C1QTNF3: variants seen among roughly 807,000 people sequenced by gnomAD.
C1QTNF3 encodes complement C1q tumor necrosis factor-related protein 3.
Under a neutral mutation model 32.6 loss-of-function variants are expected in C1QTNF3, and 26 were observed. The observed-to-expected ratio is 0.80, with a 90% CI of 0.58 to 1.11. The LOEUF (loss-of-function observed/expected upper bound fraction) is 1.11. Ranked by LOEUF, C1QTNF3 falls within the 50% of genes least tolerant of loss-of-function variation. The pLI, the probability that C1QTNF3 is intolerant of heterozygous loss-of-function variation, is 0.00. For synonymous variants in C1QTNF3, 155 were observed against 146.0 expected, an observed-to-expected ratio of 1.06 and a Z score of -0.44; for missense variants, 362 against 398.2, an observed-to-expected ratio of 0.91 and a Z score of 0.77.
the C1QTNF3 span, among the ~76,000 whole-genome samples, chr5:34,194,897 A>T: frequency 2.0e-5 from 3 of 149,218 alleles, no homozygotes; most frequent in African/African-American, 7.5e-5. Context: ...TCATGCAAAT[A>T]GTTATTGTAC....
At chr5:34,065,667 CA>C in the C1QTNF3 span, among the ~76,000 whole-genome samples, 7 of 149,376 alleles carry the variant, frequency 4.7e-5, no homozygotes, top group Non-Finnish European at 5.9e-5. Context: ...AACTCCATCT[CA>C]AAAAAAAAAG....
At chr5:34,027,241 G>A (rs540749286) in intron 4 of C1QTNF3, among the ~76,000 whole-genome samples, 1 of 152,124 alleles carries the variant, frequency 6.6e-6, no homozygotes, top group Non-Finnish European at 1.5e-5. Flanking sequence ...TGTTGATAAG[G>A]CTATCAGGAA....
At chr5:34,158,464 A>AT in the C1QTNF3 span, 7 of 152,058 alleles carry the variant, frequency 4.6e-5, no homozygotes, top group African/African-American at 1.7e-4. Context: ...GATTTCTCTT[A>AT]TTTTTTACAA....
the C1QTNF3 span, among the ~76,000 whole-genome samples, chr5:34,052,760 G>C: frequency 6.6e-6 from 1 of 152,176 alleles, no homozygotes; most frequent in East Asian, 1.9e-4. Flanking sequence ...GGAGAAGGGG[G>C]CAGAGTTAAA....
the C1QTNF3 span, among the ~76,000 whole-genome samples, chr5:34,105,283 CAT>C: frequency 6.6e-6 from 1 of 152,078 alleles, no homozygotes; most frequent in African/African-American, 2.4e-5. Flanking sequence ...TCTCCTGTGT[CAT>C]ATATGAGGAT....
chr5:34,087,467 G>T, the C1QTNF3 span, among the ~76,000 whole-genome samples: 40 of 151,756 alleles, frequency 2.6e-4, no homozygotes, highest in Non-Finnish European at 3.8e-4. Context: ...ACCAGCCTGG[G>T]CTCTTTTAAA....
At chr5:34,242,915 GACACAGGGAGGGGAACAAC>G in the C1QTNF3 span, among the ~76,000 whole-genome samples, 2 of 148,078 alleles carry the variant, frequency 1.4e-5, no homozygotes, top group African/African-American at 5.0e-5. Flanking sequence ...GGAACACATG[GACACAGGGAGGGGAACAAC>G]ACACAATGGG....
the C1QTNF3 span, among the ~76,000 whole-genome samples, chr5:34,213,671 C>T: frequency 7.2e-6 from 1 of 137,966 alleles, no homozygotes; most frequent in African/African-American, 2.9e-5. Context: ...TAGATATAGC[C>T]AGGACATTTC....
chr5:34,024,333 C>A, intron 4 of C1QTNF3: 1 of 241,598 alleles, frequency 4.1e-6, no homozygotes, highest in Admixed American at 5.0e-5. Context: ...CATAGGTTAG[C>A]GATCATCCTC....
the C1QTNF3 span, among the ~76,000 whole-genome samples, chr5:34,233,946 A>G: frequency 2.0e-5 from 3 of 152,128 alleles, no homozygotes; most frequent in Non-Finnish European, 2.9e-5. Flanking sequence ...GTACTTTTTA[A>G]TAAGACTTTT....
At chr5:34,176,035 G>C in the C1QTNF3 span, 2 of 634,752 alleles carry the variant, frequency 3.2e-6, no homozygotes, top group Admixed American at 5.0e-5. Flanking sequence ...CCACTTGATG[G>C]TGACCAAAAT....
At chr5:34,104,779 T>C in the C1QTNF3 span, among the ~76,000 whole-genome samples, 8 of 146,982 alleles carry the variant, frequency 5.4e-5, no homozygotes, top group Non-Finnish European at 1.0e-4. Flanking sequence ...TCACGTGATC[T>C]GCCAGCCTCT....
At chr5:34,197,640 G>A in the C1QTNF3 span, among the ~76,000 whole-genome samples, 61 of 152,218 alleles carry the variant, frequency 4.0e-4, no homozygotes, top group African/African-American at 1.4e-3. Flanking sequence ...CTGACTCGAA[G>A]TCTCTCATGA....
the C1QTNF3 span, among the ~76,000 whole-genome samples, chr5:34,064,305 T>C: frequency 6.6e-6 from 1 of 152,198 alleles, no homozygotes; most frequent in African/African-American, 2.4e-5. Context: ...TGTTATAGGA[T>C]GGTCTTTGTT....
Position 34,023,688 on chromosome 5 carries a change from T to C in C1QTNF3, c.800+221A>G, listed in dbSNP as rs148637513. On this transcript the variant is annotated intron_variant, in intron 5 of 5. Transcript: ENST00000382065. Reference sequence around the variant, plus strand: ...TATTGGGAGTGCTGCTAGTAATTAATGCAAGGCCTCTTATCAACCTGCTGA... The same window carrying C: ...TATTGGGAGTGCTGCTAGTAATTAACGCAAGGCCTCTTATCAACCTGCTGA... Among the ~76,000 whole-genome samples the C allele has an allele frequency of 3.1e-3, 471 of 152,350 alleles. 2 individuals carry two copies. Among genetic ancestry groups the C allele is most frequent in the African/African-American group, 0.011 (457 of 41,584 alleles).
At chr5:34,125,848 T>C in the C1QTNF3 span, among the ~76,000 whole-genome samples, 68 of 152,340 alleles carry the variant, frequency 4.5e-4, no homozygotes, top group African/African-American at 1.6e-3. Context: ...TTCTTGACTT[T>C]AATAGTCAAT....
Position 34,020,417 on chromosome 5 carries a change from CCT to C in C1QTNF3, c.*164_*165del. The stretch of plus-strand genomic sequence containing the variant: ...ATTTTGTGGTTGATTCTTCTGAGCC[CCT>C]GAATTGTCCAACATTATTGGTGTAC... On this transcript the variant is annotated 3_prime_UTR_variant, in exon 6 of 6. Coordinates refer to ENST00000382065, the MANE Select transcript of C1QTNF3 (RefSeq NM_181435.6). The C allele has an allele frequency of 1.3e-6, 1 of 777,412 alleles. No individual in the cohort carries two copies. Among genetic ancestry groups the C allele is most frequent in the South Asian group, 1.8e-5 (1 of 56,126 alleles). The allele number at this position is 777,412 out of a possible 1,614,324, so 48.2% of individuals were successfully genotyped here.
At chr5:34,174,809 G>A in the C1QTNF3 span, among the ~76,000 whole-genome samples, 4 of 151,844 alleles carry the variant, frequency 2.6e-5, no homozygotes, top group Non-Finnish European at 5.9e-5. Flanking sequence ...GCACAATCTC[G>A]GCTCACTGCA....
the C1QTNF3 span, among the ~76,000 whole-genome samples, chr5:34,121,954 C>G: frequency 6.6e-6 from 1 of 152,178 alleles, no homozygotes; most frequent in Non-Finnish European, 1.5e-5. Flanking sequence ...TGACCCTCAC[C>G]AGATACCTAA....
Sources: allele counts gnomAD v4.1 joint callset (sites outside exome capture counted in the v4.1 genomes callset), GRCh38; gene constraint gnomAD v4.1.1; transcripts MANE v1.5; gene names NCBI Gene and HGNC (gene_info 2026-07-23, HGNC 2026-07-21).